The following LRRC4C variants were observed in gnomAD, a reference collection of about 807,000 sequenced individuals.
The protein encoded by LRRC4C is leucine rich repeat containing 4C.
Under a neutral mutation model 33.6 loss-of-function variants are expected in LRRC4C, and 5 were observed. That is an observed-to-expected ratio of 0.15 (90% CI 0.08 to 0.31). The LOEUF is 0.31. Ranked by LOEUF, LRRC4C falls within the 10% of genes least tolerant of loss-of-function variation. The pLI is 1.00. For missense variants in LRRC4C, 560 were observed against 796.7 expected, an observed-to-expected ratio of 0.70 and a Z score of 3.58; for synonymous variants, 329 against 302.0, an observed-to-expected ratio of 1.09 and a Z score of -0.93.
chr11:41,163,013 C>T (rs969733281), intron 1 of LRRC4C, among the ~76,000 whole-genome samples: 2 of 152,098 alleles, frequency 1.3e-5, no homozygotes, highest in African/African-American at 4.8e-5. Flanking sequence ...ATTATGGGGT[C>T]AGTTTCTCCC....
At chr11:40,456,570 T>C (rs1389352429) in intron 3 of LRRC4C, among the ~76,000 whole-genome samples, 2 of 151,920 alleles carry the variant, frequency 1.3e-5, no homozygotes, top group East Asian at 1.9e-4. Flanking sequence ...AATGAAGTTT[T>C]ACAACAAAAA....
intron 6 of LRRC4C, among the ~76,000 whole-genome samples, chr11:40,119,537 C>G (rs141912676): frequency 6.6e-6 from 1 of 152,192 alleles, no homozygotes; most frequent in Non-Finnish European, 1.5e-5. Context: ...TTCCTCTTAG[C>G]CTATTGCCAA....
intron 3 of LRRC4C, among the ~76,000 whole-genome samples, chr11:40,527,580 T>G (rs72883409): frequency 0.088 from 13,345 of 152,020 alleles, 1,658 homozygotes; most frequent in African/African-American, 0.28. Context: ...CACAATAGGA[T>G]GGATGGCAGT....
intron 1 of LRRC4C, among the ~76,000 whole-genome samples, chr11:41,043,790 A>G (rs191330766): frequency 7.6e-4 from 115 of 152,266 alleles, no homozygotes; most frequent in Admixed American, 3.5e-3. Flanking sequence ...ATGCTAAACA[A>G]TTATTTATAA....
chr11:40,938,255 C>A (rs1027643142), intron 1 of LRRC4C, among the ~76,000 whole-genome samples: 5 of 152,078 alleles, frequency 3.3e-5, no homozygotes, highest in Non-Finnish European at 7.4e-5. Context: ...AACGTAATCT[C>A]CCTCTGACCT....
At chr11:41,305,034 C>T (rs1259440376) in intron 1 of LRRC4C, among the ~76,000 whole-genome samples, 1 of 33,850 alleles carries the variant, frequency 3.0e-5, no homozygotes, top group African/African-American at 8.9e-5. Flanking sequence ...CCGCCCCGTC[C>T]GGGAGGGAGG....
chr11:41,194,488 A>G lies in LRRC4C; in HGVS notation c.-495-260765T>C, dbSNP rs151289118. The stretch of plus-strand genomic sequence containing the variant: ...GCAAGGTAACAAGATGTACATCATT[A>G]CATTACCTGAGATGATAATGACCAT... On this transcript the variant is annotated intron_variant, in intron 1 of 6. Coordinates refer to ENST00000528697, the MANE Select transcript of LRRC4C (RefSeq NM_001258419.2). Among the ~76,000 whole-genome samples, 178 of 152,234 alleles carry G rather than the reference A, an allele frequency of 1.2e-3. 1 individual carries two copies. The highest frequency in any genetic ancestry group is 4.2e-3 in the African/African-American group (175 of 41,546).
rs148996506 is a variant in LRRC4C at position 41,273,752 on chromosome 11, C to G, written c.-496+185679G>C. 3.0e-3 allele frequency among the ~76,000 whole-genome samples: 457 copies of G among 152,094 alleles called. 6 individuals carry two copies. The highest frequency in any genetic ancestry group is 8.7e-3 in the South Asian group (42 of 4,830). The stretch of plus-strand genomic sequence containing the variant: ...GAAATCATGTTAACCATTTTTACCA[C>G]AAAACAAAACAAAACATAAGGAAAT... On this transcript the variant is annotated intron_variant, in intron 1 of 6. Transcript: ENST00000528697.
chr11:40,625,421 G>T (rs1962834585), intron 3 of LRRC4C, among the ~76,000 whole-genome samples: 1 of 152,136 alleles, frequency 6.6e-6, no homozygotes, highest in Non-Finnish European at 1.5e-5. Flanking sequence ...ATGGAGGCAG[G>T]CAAGAGAGTG....
intron 1 of LRRC4C, among the ~76,000 whole-genome samples, chr11:40,977,010 C>T (rs776135292): frequency 2.8e-4 from 42 of 152,076 alleles, no homozygotes; most frequent in Admixed American, 1.1e-3. Context: ...TTTCCTGTAG[C>T]TAGATGGTCC....
chr11:40,875,111 G>A (rs1486387666), intron 2 of LRRC4C, among the ~76,000 whole-genome samples: 1 of 152,006 alleles, frequency 6.6e-6, no homozygotes, highest in African/African-American at 2.4e-5. Flanking sequence ...ACACAAGAAT[G>A]CAATTAAGAG....
Position 40,383,146 on chromosome 11 carries a change from A to C in LRRC4C, c.-269-63425T>G, listed in dbSNP as rs1948959444. ...GTTTGTCATGTGTCTGGCTTATTTCACCTAGCATGATGTTCTTTGGGTCCA... is the reference window on the plus strand; with the variant it reads ...GTTTGTCATGTGTCTGGCTTATTTCCCCTAGCATGATGTTCTTTGGGTCCA... On this transcript the variant is annotated intron_variant, in intron 3 of 6. Transcript: ENST00000528697. Among the ~76,000 whole-genome samples the C allele has an allele frequency of 2.6e-5, 4 of 152,014 alleles. No individual in the cohort carries two copies. In the South Asian group the frequency reaches 8.3e-4, roughly 32 times the overall value.
chr11:40,186,416 G>A (rs565250943), intron 5 of LRRC4C, among the ~76,000 whole-genome samples: 3 of 152,246 alleles, frequency 2.0e-5, no homozygotes, highest in East Asian at 3.9e-4. Flanking sequence ...ACATGACTAA[G>A]ATGTTCTTCA....
chr11:40,122,908 T>C (rs577565369), intron 6 of LRRC4C, among the ~76,000 whole-genome samples: 1 of 150,644 alleles, frequency 6.6e-6, no homozygotes, highest in African/African-American at 2.4e-5. Context: ...GTCTATATAC[T>C]TTTTTATATC....
At chr11:40,921,099 T>A (rs549420432) in intron 2 of LRRC4C, among the ~76,000 whole-genome samples, 5 of 151,934 alleles carry the variant, frequency 3.3e-5, no homozygotes, top group East Asian at 1.9e-4. Flanking sequence ...TTTAAAAAAA[T>A]TTTCGTAGAG....
intron 1 of LRRC4C, among the ~76,000 whole-genome samples, chr11:41,441,047 G>A (rs1955601574): frequency 1.3e-5 from 2 of 152,126 alleles, no homozygotes; most frequent in African/African-American, 4.8e-5. Context: ...TAGAGAGAGG[G>A]AAGAGACAAC....
intron 3 of LRRC4C, among the ~76,000 whole-genome samples, chr11:40,531,574 T>C (rs1956273632): frequency 6.6e-6 from 1 of 152,146 alleles, no homozygotes; most frequent in African/African-American, 2.4e-5. Context: ...TTCAGTTCTT[T>C]TCTCAGGCCA....
chr11:40,529,890 G>A (rs1337485401), intron 3 of LRRC4C, among the ~76,000 whole-genome samples: 1 of 152,020 alleles, frequency 6.6e-6, no homozygotes, highest in East Asian at 1.9e-4. Context: ...TGCTTTAGTT[G>A]CTTTACCAAC....
chr11:40,681,518 A>C (rs988699298), intron 2 of LRRC4C, among the ~76,000 whole-genome samples: 2 of 152,194 alleles, frequency 1.3e-5, no homozygotes, highest in Admixed American at 1.3e-4. Flanking sequence ...AAAGCTTTAA[A>C]GCTTTATTTA....
Sources: allele counts gnomAD v4.1 joint callset (sites outside exome capture counted in the v4.1 genomes callset), GRCh38; gene constraint gnomAD v4.1.1; transcripts MANE v1.5; gene names NCBI Gene and HGNC (gene_info 2026-07-23, HGNC 2026-07-21).